The following TEX15 variants were observed in gnomAD, a reference collection of about 807,000 sequenced individuals.
The protein encoded by TEX15 is testis expressed 15, meiosis and synapsis associated.
In TEX15, 171 loss-of-function variants were observed where a neutral mutation model predicts 237.3. The observed-to-expected ratio is 0.72, with a 90% CI of 0.64 to 0.82. The LOEUF (loss-of-function observed/expected upper bound fraction) is 0.82, where lower values mean the gene tolerates loss of function less well. Among genes scored for constraint, TEX15 ranks in the 40% least tolerant of loss-of-function variants. TEX15 has a pLI of 0.00. For synonymous variants in TEX15, 1,338 were observed against 1,269.8 expected, an observed-to-expected ratio of 1.05 and a Z score of -1.14; for missense variants, 3,750 against 3,646.5, an observed-to-expected ratio of 1.03 and a Z score of -0.73.
In TEX15 at chr8:30,859,911, T is replaced by C. The variant is rs1480094109; in HGVS notation, c.687A>G (p.Ala229=). Residue 229 remains alanine (A), a splice_region_variant and synonymous_variant, in exon 6 of 11, where the codon GCA becomes GCG. Transcript: ENST00000643185. The stretch of plus-strand genomic sequence containing the variant: ...GAAATCAAATGAACCATTAACATAC[T>C]GCTGAACTGTAGGCTTGCAGTTCAA... The part of the protein sequence containing the change: ...DTIELQAYSS[A]VYFYEYSVLS... The C allele has an allele frequency of 7.5e-6, 11 of 1,475,760 alleles. No homozygotes were observed. Among genetic ancestry groups the C allele is most frequent in the Non-Finnish European group, 8.9e-6 (10 of 1,123,596 alleles). 91.4% of individuals were successfully genotyped at this position (1,475,760 alleles called of 1,614,324 possible).
At chr8:30,869,342 C>T (rs2128772172) in intron 4 of TEX15, among the ~76,000 whole-genome samples, 1 of 151,982 alleles carries the variant, frequency 6.6e-6, no homozygotes, top group South Asian at 2.1e-4. Flanking sequence ...TTAAAGAAAC[C>T]ATTGACTAGC....
At position 30,837,397 on chromosome 8, in the gene TEX15, CCT is replaced by C; in HGVS notation, c.8885_8886del (p.Glu2962GlyfsTer25). ...NKLQPTETES[E>X]DKYMKDTLNP... ...TTCAATGTATCCTTCATGTATTTGT[CCT>C]CTGACTCAGTTTCTGTAGGCTGTAG... On this transcript the variant is annotated frameshift_variant, in exon 10 of 11. Transcript: ENST00000643185. LOFTEE classifies it high-confidence loss of function. The C allele has an allele frequency of 6.2e-7, 1 of 1,614,080 alleles. No individual in the cohort carries two copies. Among genetic ancestry groups the C allele is most frequent in the South Asian group, 1.1e-5 (1 of 91,074 alleles).
Position 30,889,916 on chromosome 8 carries a change from T to A in TEX15, c.-9-2605A>T, listed in dbSNP as rs565862672. 5.2e-3 allele frequency among the ~76,000 whole-genome samples: 747 copies of A among 143,008 alleles called. 6 individuals are homozygous for A. Among genetic ancestry groups the A allele is most frequent in the African/African-American group, 0.019 (692 of 37,210 alleles). 93.8% of individuals were successfully genotyped at this position (143,008 alleles called of 152,430 possible). A position where few individuals can be genotyped will look rare whatever the true frequency, so the allele number is the denominator to read the frequency against. On this transcript the variant is annotated intron_variant, in intron 2 of 10. Coordinates refer to ENST00000643185, the MANE Select transcript of TEX15 (RefSeq NM_001350162.2). ...ATAGTCCTACAATGATTATATATAT[T>A]TATGTATTAGTTATATACATATATA...
At chr8:30,892,868 C>A (rs1353013619) in intron 2 of TEX15, among the ~76,000 whole-genome samples, 3 of 151,868 alleles carry the variant, frequency 2.0e-5, no homozygotes, top group African/African-American at 4.8e-5. Context: ...CCCGTCTCTA[C>A]TAAAAATGCA....
intron 8 of TEX15, among the ~76,000 whole-genome samples, chr8:30,840,459 G>T (rs1300564915): frequency 2.6e-5 from 4 of 152,118 alleles, no homozygotes; most frequent in Admixed American, 2.6e-4. Context: ...GCCTCCCAAA[G>T]TGCTGGGATT....
chr8:30,907,717 A>G (rs1003750230), intron 1 of TEX15, among the ~76,000 whole-genome samples: 17 of 144,306 alleles, frequency 1.2e-4, no homozygotes, highest in Non-Finnish European at 2.3e-4. Flanking sequence ...AATTAGATAT[A>G]AAATTTATAT....
intron 1 of TEX15, among the ~76,000 whole-genome samples, chr8:30,912,165 G>T (rs966925151): frequency 1.3e-5 from 2 of 152,158 alleles, no homozygotes; most frequent in African/African-American, 4.8e-5. Flanking sequence ...GCGTCCACCG[G>T]CTCCTGCAGC....
chr8:30,878,096 C>CTT (rs36096573), intron 3 of TEX15, among the ~76,000 whole-genome samples: 14,747 of 117,912 alleles, frequency 0.13, 1,644 homozygotes, highest in African/African-American at 0.29. Context: ...GTAAAGATTG[C>CTT]TTTTTTTTTT....
In TEX15 at chr8:30,838,014, G is replaced by C; in HGVS notation, c.8270C>G (p.Ser2757Ter). ...PKSENKIVPSSCDSLKRNHLT... is the reference protein window; with the variant it reads ...PKSENKIVPS ...ATGATTTCTTTTCAGACTGTCACAT[G>C]AACTTGGTACTATTTTGTTTTCGCT... The change falls in exon 10 of 11, where the codon TCA becomes TGA. Residue 2757 changes from serine (S) to a stop codon, truncating the protein, a stop_gained. Coordinates refer to ENST00000643185, the MANE Select transcript of TEX15 (RefSeq NM_001350162.2). LOFTEE classifies it high-confidence loss of function. 6.2e-7 allele frequency: 1 copy of C among 1,613,842 alleles called. No homozygotes were observed. The highest frequency in any genetic ancestry group is 8.5e-7 in the Non-Finnish European group (1 of 1,179,936).
intron 8 of TEX15, among the ~76,000 whole-genome samples, chr8:30,840,811 C>A (rs1471301370): frequency 2.0e-5 from 3 of 152,142 alleles, no homozygotes. Flanking sequence ...GAAGGTCAAA[C>A]TCCTTAGGTC....
rs1373030419 is a variant in TEX15, at chr8:30,837,706, A to T, written c.8578T>A (p.Leu2860Met). ...GTFSPDHGTL[L>M]QKFLKNSPDP... ...GGGGAATTTTTAAGAAATTTCTGCA[A>T]AAGCGTCCCATGGTCTGGTGAAAAT... The change falls in exon 10 of 11, where the codon TTG becomes ATG. Residue 2860 changes from leucine to methionine, a missense_variant. Physicochemically the swap from Leu to Met is conservative, Grantham distance 15. Coordinates refer to ENST00000643185, the MANE Select transcript of TEX15 (RefSeq NM_001350162.2). The T allele has an allele frequency of 6.2e-7, 1 of 1,614,004 alleles. No individual in the cohort carries two copies. Among genetic ancestry groups the T allele is most frequent in the South Asian group, 1.1e-5 (1 of 91,028 alleles).
intron 1 of TEX15, among the ~76,000 whole-genome samples, chr8:30,900,114 T>G (rs1345045596): frequency 1.3e-5 from 2 of 152,218 alleles, no homozygotes; most frequent in African/African-American, 4.8e-5. Flanking sequence ...CACTGTAGAT[T>G]GGTCTTTGAA....
chr8:30,843,219 A>T lies in TEX15; in HGVS notation c.6948T>A (p.Asp2316Glu). The T allele has an allele frequency of 1.2e-6, 2 of 1,613,490 alleles. No individual in the cohort carries two copies. The highest frequency in any genetic ancestry group is 1.7e-6 in the Non-Finnish European group (2 of 1,179,662). Residue 2316 changes from aspartate (D) to glutamate (E), a missense_variant, in exon 8 of 11, where the codon GAT becomes GAA. Coordinates refer to ENST00000643185, the MANE Select transcript of TEX15 (RefSeq NM_001350162.2). ...CAFSKLQKIY[D>E]TLSKDLNNEP... ...CATTGTTTAAATCTTTAGACAAAGTATCATATATCTTCTGCAACTTAGAAA... is the reference window on the plus strand; with the variant it reads ...CATTGTTTAAATCTTTAGACAAAGTTTCATATATCTTCTGCAACTTAGAAA...
At chr8:30,883,447 T>C (rs552776430) in intron 3 of TEX15, among the ~76,000 whole-genome samples, 2 of 152,262 alleles carry the variant, frequency 1.3e-5, no homozygotes, top group East Asian at 1.9e-4. Flanking sequence ...CATAGATGTA[T>C]GTGTGCCATG....
Position 30,873,901 on chromosome 8 carries a change from A to G in TEX15, c.302+1036T>C, listed in dbSNP as rs187639389. On this transcript the variant is annotated intron_variant, in intron 4 of 10. Coordinates refer to ENST00000643185, the MANE Select transcript of TEX15 (RefSeq NM_001350162.2). ...CATGTTGGTCATTTACAATGTTTTAACAGCCCTATCACTGGGTACTTGTTC... is the reference window on the plus strand; with the variant it reads ...CATGTTGGTCATTTACAATGTTTTAGCAGCCCTATCACTGGGTACTTGTTC... Among the ~76,000 whole-genome samples, 14 of 152,336 alleles carry G rather than the reference A, an allele frequency of 9.2e-5. No individual in the cohort carries two copies. The East Asian group carries it at 2.3e-3, about 25-fold the overall frequency.
chr8:30,881,989 A>G (rs1808536634), intron 3 of TEX15, among the ~76,000 whole-genome samples: 1 of 152,192 alleles, frequency 6.6e-6, no homozygotes, highest in Non-Finnish European at 1.5e-5. Context: ...CCCTCTTTTC[A>G]AATGTAAACA....
At position 30,858,751 on chromosome 8, in the gene TEX15, A is replaced by G. The variant is rs1418213970; in HGVS notation, c.767T>C (p.Val256Ala). ...ATCTACTTTTGAACCAAGAAATTTT[A>G]CTGTTACTACAGCATATGGAAGACA... Reference protein sequence around the residue: ...RQCLPYAVVTVKFLGSKVDNG... With the variant: ...RQCLPYAVVTAKFLGSKVDNG... Residue 256 changes from valine (V) to alanine (A), a missense_variant, in exon 7 of 11, where the codon GTA becomes GCA. Physicochemically the swap from Val to Ala is moderately conservative, Grantham distance 64. Transcript: ENST00000643185. The G allele has an allele frequency of 1.3e-6, 2 of 1,535,676 alleles. No individual in the cohort carries two copies. The highest frequency in any genetic ancestry group is 2.4e-5 in the South Asian group (2 of 84,036).
chr8:30,872,607 A>G (rs1044299229), intron 4 of TEX15, among the ~76,000 whole-genome samples: 1 of 152,112 alleles, frequency 6.6e-6, no homozygotes, highest in African/African-American at 2.4e-5. Flanking sequence ...TGACAGCTCC[A>G]TGCACGTTAC....
intron 3 of TEX15, among the ~76,000 whole-genome samples, chr8:30,881,667 G>T (rs1808529740): frequency 1.4e-5 from 2 of 138,210 alleles, no homozygotes; most frequent in Admixed American, 7.9e-5. Context: ...TGTCACCCAG[G>T]CTGGAGTGCA....
Sources: gnomAD v4.1 joint callset for allele counts (sites outside exome capture counted in the v4.1 genomes callset) on GRCh38, gnomAD v4.1.1 for gene constraint, MANE v1.5 for transcripts, NCBI Gene and HGNC (gene_info 2026-07-23, HGNC 2026-07-21) for gene names.